The following LRBA variants were observed in gnomAD, a reference collection of about 807,000 sequenced individuals.
LRBA encodes the protein LPS responsive beige-like anchor protein.
A neutral mutation model predicts 330.0 loss-of-function variants in LRBA; 176 were observed. That is an observed-to-expected ratio of 0.53 (90% CI 0.47 to 0.60). The LOEUF is 0.60. LRBA is among the 20% of genes least tolerant of loss of function. The pLI is 0.00. For synonymous variants in LRBA, 1,230 were observed against 1,193.0 expected (o/e 1.03, Z -0.64); for missense variants, 3,259 against 3,444.8 (o/e 0.95, Z 1.35).
At chr4:150,816,278 A>T (rs1744579404) in intron 31 of LRBA, among the ~76,000 whole-genome samples, 2 of 152,006 alleles carry the variant, frequency 1.3e-5, no homozygotes, top group Non-Finnish European at 2.9e-5. Flanking sequence ...CTCAACCTAG[A>T]ATCATAAGAT....
At chr4:150,850,253 C>T (rs1002853788) in intron 24 of LRBA, among the ~76,000 whole-genome samples, 2 of 151,968 alleles carry the variant, frequency 1.3e-5, no homozygotes, top group Non-Finnish European at 2.9e-5. Flanking sequence ...GCCACCACTC[C>T]CAGCTAATTT....
chr4:150,811,023 C>T (rs1743645990), intron 31 of LRBA, among the ~76,000 whole-genome samples: 1 of 152,164 alleles, frequency 6.6e-6, no homozygotes, highest in Admixed American at 6.5e-5. Flanking sequence ...AGTTCAAAAA[C>T]ATTTTTTCAC....
rs140413575 is a variant in LRBA, at chr4:150,290,405, T to C, written c.8018-4371A>G. On this transcript the variant is annotated intron_variant, in intron 53 of 56. Transcript: ENST00000651943. ...ATACAAAAAGTCTTTACCTTTGCTTTCTGAGATAGTAGGATCTCCCAAAGG... is the reference window on the plus strand; with the variant it reads ...ATACAAAAAGTCTTTACCTTTGCTTCCTGAGATAGTAGGATCTCCCAAAGG... Among the ~76,000 whole-genome samples the C allele has an allele frequency of 1.7e-3, 252 of 152,356 alleles. 1 individual carries two copies. Among genetic ancestry groups the C allele is most frequent in the East Asian group, 0.015 (77 of 5,184 alleles).
intron 38 of LRBA, among the ~76,000 whole-genome samples, chr4:150,593,815 T>C (rs1487339416): frequency 6.6e-6 from 1 of 152,114 alleles, no homozygotes; most frequent in Non-Finnish European, 1.5e-5. Flanking sequence ...ACCTCTTTAA[T>C]CTGCAAACAT....
rs370203536 is a variant in LRBA at position 150,512,717 on chromosome 4, GAAAAAAA to G, written c.6331-21689_6331-21683del. 4.0e-4 allele frequency among the ~76,000 whole-genome samples: 40 copies of G among 100,662 alleles called. 1 individual carries two copies. In the South Asian group the frequency reaches 8.0e-3, roughly 20 times the overall value. The allele number at this position is 100,662 out of a possible 152,430, so 66.0% of individuals were successfully genotyped here. On this transcript the variant is annotated intron_variant, in intron 40 of 56. Coordinates refer to ENST00000651943, the MANE Select transcript of LRBA (RefSeq NM_001364905.1). Reference sequence around the variant, plus strand: ...CCCAAACAAAGACAGTGCTTTTTGAGAAAAAAAAAAAAAAAAAAAAAAGATGAAGAGT... The same window carrying G: ...CCCAAACAAAGACAGTGCTTTTTGAGAAAAAAAAAAAAAAAGATGAAGAGT...
chr4:150,377,070 A>G (rs1741451586), intron 47 of LRBA, among the ~76,000 whole-genome samples: 1 of 151,618 alleles, frequency 6.6e-6, no homozygotes, highest in South Asian at 2.1e-4. Context: ...AAGGTCGGGG[A>G]TAACCTGAGT....
intron 2 of LRBA, among the ~76,000 whole-genome samples, chr4:150,967,077 T>C (rs566396301): frequency 4.6e-5 from 7 of 152,370 alleles, no homozygotes; most frequent in African/African-American, 1.7e-4. Flanking sequence ...AAAAGTCTAA[T>C]TTAATTTGTT....
At chr4:150,554,480 C>T (rs374812567) in intron 40 of LRBA, among the ~76,000 whole-genome samples, 2 of 152,068 alleles carry the variant, frequency 1.3e-5, no homozygotes, top group Non-Finnish European at 2.9e-5. Flanking sequence ...TGTTATTTTG[C>T]TTATTATCTG....
intron 40 of LRBA, among the ~76,000 whole-genome samples, chr4:150,503,621 T>C (rs1004618270): frequency 1.3e-5 from 2 of 151,892 alleles, no homozygotes; most frequent in Non-Finnish European, 2.9e-5. Context: ...CAAAGGTAGA[T>C]AAAACCACAA....
At chr4:150,865,331 T>C (rs1238780661) in intron 22 of LRBA, among the ~76,000 whole-genome samples, 2 of 152,178 alleles carry the variant, frequency 1.3e-5, no homozygotes, top group Non-Finnish European at 2.9e-5. Context: ...ATATTTTAGA[T>C]TTTAGGGGCC....
At chr4:150,717,643 T>C (rs541958684) in intron 36 of LRBA, among the ~76,000 whole-genome samples, 123 of 133,506 alleles carry the variant, frequency 9.2e-4, no homozygotes, top group Non-Finnish European at 1.4e-3. Flanking sequence ...CTGGGTGACA[T>C]AGTGAGACTC....
chr4:150,850,705 A>G lies in LRBA; in HGVS notation c.4004+19T>C. 4 of 1,516,256 alleles carry G rather than the reference A, an allele frequency of 2.6e-6. No homozygotes were observed. The highest frequency in any genetic ancestry group is 3.6e-6 in the Non-Finnish European group (4 of 1,102,452). The allele number at this position is 1,516,256 out of a possible 1,614,324, so 93.9% of individuals were successfully genotyped here. On this transcript the variant is annotated intron_variant, in intron 24 of 56. Transcript: ENST00000651943. ...GACTAGGTTTATACACATCTTCCAT[A>G]ATAAACATATAGACAAACCTTCTCC...
intron 47 of LRBA, among the ~76,000 whole-genome samples, chr4:150,392,854 TG>T (rs1328871488): frequency 1.1e-5 from 1 of 93,786 alleles, no homozygotes; most frequent in African/African-American, 4.3e-5. Context: ...TATCGAGGGG[TG>T]GGGGGCAAGA....
intron 47 of LRBA, among the ~76,000 whole-genome samples, chr4:150,376,786 TTTTTG>T (rs1175001931): frequency 4.6e-5 from 7 of 152,084 alleles, no homozygotes; most frequent in South Asian, 4.2e-4. Flanking sequence ...ACCCCGGGTG[TTTTTG>T]TTTTGTTTTG....
intron 44 of LRBA, among the ~76,000 whole-genome samples, chr4:150,460,500 ACT>A (rs1348191129): frequency 6.6e-6 from 1 of 151,884 alleles, no homozygotes; most frequent in Non-Finnish European, 1.5e-5. Context: ...GGCAATGTAA[ACT>A]GCTAGGTTAA....
chr4:150,372,344 G>A (rs1050663272), intron 47 of LRBA, among the ~76,000 whole-genome samples: 5 of 151,810 alleles, frequency 3.3e-5, no homozygotes, highest in African/African-American at 7.3e-5. Flanking sequence ...GCATGGTGAC[G>A]CATGCCTGTA....
chr4:150,557,491 C>A (rs1767478527), intron 40 of LRBA, among the ~76,000 whole-genome samples: 1 of 144,020 alleles, frequency 6.9e-6, no homozygotes, highest in African/African-American at 2.5e-5. Context: ...TTCTCTCAAG[C>A]TTTTTTTTTT....
At chr4:150,790,225 T>G (rs1019373134) in intron 34 of LRBA, among the ~76,000 whole-genome samples, 1 of 152,348 alleles carries the variant, frequency 6.6e-6, no homozygotes, top group African/African-American at 2.4e-5. Flanking sequence ...CTGACTAGAC[T>G]GCCAAGCCAC....
At chr4:150,411,236 T>C (rs183279055) in intron 47 of LRBA, among the ~76,000 whole-genome samples, 14 of 152,324 alleles carry the variant, frequency 9.2e-5, no homozygotes, top group Admixed American at 9.2e-4. Flanking sequence ...GCCCATCCAC[T>C]TAGCCAGTTT....
Sources: gnomAD v4.1 joint callset for allele counts (sites outside exome capture counted in the v4.1 genomes callset) on GRCh38, gnomAD v4.1.1 for gene constraint, MANE v1.5 for transcripts, NCBI Gene and HGNC (gene_info 2026-07-23, HGNC 2026-07-21) for gene names.